Variants in HIVEP1 observed in about 807,000 individuals in gnomAD.
HIVEP1 encodes the protein HIVEP zinc finger 1.
Under a neutral mutation model 180.0 loss-of-function variants are expected in HIVEP1, and 36 were observed. That is an observed-to-expected ratio of 0.20 (90% CI 0.15 to 0.26). The LOEUF is 0.26. HIVEP1 is among the 10% of genes least tolerant of loss of function. HIVEP1 has a pLI of 1.00. For synonymous variants in HIVEP1, 1,239 were observed against 1,239.0 expected, an observed-to-expected ratio of 1.00 and a Z score of 0.00; for missense variants, 3,143 against 3,268.7, an observed-to-expected ratio of 0.96 and a Z score of 0.94.
the HIVEP1 span, among the ~76,000 whole-genome samples, chr6:12,207,646 G>A: frequency 6.6e-6 from 1 of 151,684 alleles, no homozygotes; most frequent in Non-Finnish European, 1.5e-5. Context: ...GCTCACACCT[G>A]TAAATCCGAG....
chr6:12,186,561 A>G, the HIVEP1 span, among the ~76,000 whole-genome samples: 1 of 149,590 alleles, frequency 6.7e-6, no homozygotes, highest in South Asian at 2.1e-4. Flanking sequence ...AAAAAAAAAA[A>G]GGCGTATACT....
chr6:12,135,682 C>A, intron 6 of HIVEP1, 109 bp from the exon 7 acceptor site: 1 of 680,608 alleles, frequency 1.5e-6, no homozygotes, highest in Non-Finnish European at 2.6e-6. Flanking sequence ...TGGAGTTGTA[C>A]GACCACAATC....
At chr6:12,018,219 G>A (rs763246639) in intron 2 of HIVEP1, among the ~76,000 whole-genome samples, 7 of 152,248 alleles carry the variant, frequency 4.6e-5, no homozygotes, top group Admixed American at 1.3e-4. Flanking sequence ...GGGAACTCTA[G>A]CTGGCCTACA....
intron 7 of HIVEP1, among the ~76,000 whole-genome samples, chr6:12,139,247 G>A (rs887990976): frequency 1.3e-4 from 20 of 151,952 alleles, no homozygotes; most frequent in African/African-American, 3.4e-4. Context: ...TTCCTCCCTC[G>A]CGTGCTCAGC....
chr6:12,077,219 C>G (rs1237146931), intron 2 of HIVEP1, among the ~76,000 whole-genome samples: 1 of 152,118 alleles, frequency 6.6e-6, no homozygotes, highest in Non-Finnish European at 1.5e-5. Flanking sequence ...CACATTTGCC[C>G]TTAGTAATAA....
intron 2 of HIVEP1, among the ~76,000 whole-genome samples, chr6:12,070,606 T>C (rs1771905149): frequency 6.6e-6 from 1 of 152,212 alleles, no homozygotes. Flanking sequence ...GAAATGTCAT[T>C]ATGGAATGCT....
chr6:12,170,223 C>T, the HIVEP1 span, among the ~76,000 whole-genome samples: 87 of 151,874 alleles, frequency 5.7e-4, 2 homozygotes, highest in Non-Finnish European at 1.1e-3. Context: ...AAGCAAGATG[C>T]AAGGTATCTT....
At chr6:12,173,632 A>G in the HIVEP1 span, among the ~76,000 whole-genome samples, 1 of 152,180 alleles carries the variant, frequency 6.6e-6, no homozygotes, top group African/African-American at 2.4e-5. Flanking sequence ...ATAATTAGAT[A>G]ACTTTTATGA....
chr6:12,156,964 AT>A (rs979869866), intron 7 of HIVEP1, among the ~76,000 whole-genome samples: 2 of 151,596 alleles, frequency 1.3e-5, no homozygotes, highest in Non-Finnish European at 2.9e-5. Flanking sequence ...TTATGGATTT[AT>A]TTTTTTCAGT....
chr6:12,045,769 G>A (rs1770078512), intron 2 of HIVEP1, among the ~76,000 whole-genome samples: 1 of 152,178 alleles, frequency 6.6e-6, no homozygotes, highest in Non-Finnish European at 1.5e-5. Context: ...AATTAAAATT[G>A]CCTTATAATT....
At chr6:12,166,559 G>C (rs969127592), downstream of HIVEP1, among the ~76,000 whole-genome samples, 4 of 152,208 alleles carry the variant, frequency 2.6e-5, no homozygotes, top group African/African-American at 4.8e-5. Context: ...GAAATATGCA[G>C]CTCTATAAAA....
At chr6:12,147,792 G>A (rs1037123941) in intron 7 of HIVEP1, among the ~76,000 whole-genome samples, 16 of 152,210 alleles carry the variant, frequency 1.1e-4, no homozygotes, top group Middle Eastern at 6.8e-3. Context: ...GTGATATCCC[G>A]TTTTTTATGT....
intron 7 of HIVEP1, among the ~76,000 whole-genome samples, chr6:12,153,588 A>G (rs1390935623): frequency 1.3e-5 from 2 of 151,814 alleles, no homozygotes; most frequent in Non-Finnish European, 2.9e-5. Flanking sequence ...AAAAAAAAAA[A>G]AAAAATAGAT....
chr6:12,068,605 G>A (rs9462437), intron 2 of HIVEP1, among the ~76,000 whole-genome samples: 7,690 of 152,142 alleles, frequency 0.051, 255 homozygotes, highest in Admixed American at 0.12. Flanking sequence ...GACAGTATGC[G>A]TATATATTCA....
At position 12,161,808 on chromosome 6, in the gene HIVEP1, A is replaced by T. The variant is rs1760422842; in HGVS notation, c.6857A>T (p.Asn2286Ile). The T allele has an allele frequency of 6.2e-7, 1 of 1,613,994 alleles. No individual in the cohort carries two copies. Among genetic ancestry groups the T allele is most frequent in the African/African-American group, 1.3e-5 (1 of 74,914 alleles). ...KARQRAARDE[N>I]DTIPSVDTSR... ...AGGCAGCGTGCTGCGAGAGATGAAAACGACACAATTCCGTCTGTAGACACT... is the reference window on the plus strand; with the variant it reads ...AGGCAGCGTGCTGCGAGAGATGAAATCGACACAATTCCGTCTGTAGACACT... The change falls in exon 8 of 9, where the codon AAC (asparagine) becomes ATC (isoleucine). Residue 2286 changes from asparagine (N) to isoleucine (I), a missense_variant. Transcript: ENST00000379388.
chr6:12,078,353 T>C (rs1490672825), intron 2 of HIVEP1, among the ~76,000 whole-genome samples: 1 of 152,078 alleles, frequency 6.6e-6, no homozygotes, highest in Non-Finnish European at 1.5e-5. Context: ...TCTGCCCCAG[T>C]ACCAGTAGAC....
intron 2 of HIVEP1, among the ~76,000 whole-genome samples, chr6:12,028,527 A>AATGCCATACGTGT (rs1768732110): frequency 6.6e-6 from 1 of 152,238 alleles, no homozygotes; most frequent in African/African-American, 2.4e-5. Context: ...TGATGGAATT[A>AATGCCATACGTGT]ATGCCATACG....
chr6:12,108,425 G>T (rs1008189666), intron 3 of HIVEP1, among the ~76,000 whole-genome samples: 5 of 152,324 alleles, frequency 3.3e-5, no homozygotes, highest in African/African-American at 9.6e-5. Flanking sequence ...GGGACTGGGC[G>T]CCATGGAGCA....
intron 4 of HIVEP1, 62 bp from the exon 5 acceptor site, chr6:12,129,697 A>G (rs766752350): frequency 1.5e-6 from 2 of 1,332,572 alleles, no homozygotes; most frequent in Non-Finnish European, 1.1e-6. Context: ...ATTTCCAGTG[A>G]AAGATTAGCA....
Sources: allele counts gnomAD v4.1 joint callset (sites outside exome capture counted in the v4.1 genomes callset), GRCh38; gene constraint gnomAD v4.1.1; transcripts MANE v1.5; gene names NCBI Gene and HGNC (gene_info 2026-07-23, HGNC 2026-07-21).